ST7: variants seen among roughly 807,000 people sequenced by gnomAD.
ST7 encodes the protein suppression of tumorigenicity 7.
In ST7, 28 loss-of-function variants were observed where a neutral mutation model predicts 78.7. That is an observed-to-expected ratio of 0.36 (90% CI 0.26 to 0.49). The LOEUF is 0.49. Ranked by LOEUF, ST7 falls within the 20% of genes least tolerant of loss-of-function variation. The probability of loss-of-function intolerance (pLI) is 0.99; values close to 1 mark genes in which losing one functional copy is unlikely to be tolerated. For missense variants in ST7, 418 were observed against 696.0 expected, an observed-to-expected ratio of 0.60 and a Z score of 4.49; for synonymous variants, 247 against 249.6, an observed-to-expected ratio of 0.99 and a Z score of 0.10.
At chr7:116,970,882 A>AT (rs1009397400) in intron 1 of ST7, among the ~76,000 whole-genome samples, 49 of 151,414 alleles carry the variant, frequency 3.2e-4, no homozygotes, top group African/African-American at 7.0e-4. Context: ...CTCTCCCACT[A>AT]TTTTTTTTTA....
chr7:116,965,881 A>C lies in ST7; in HGVS notation c.151+12190A>C, dbSNP rs553904519. 10 of 195,774 alleles carry C rather than the reference A, an allele frequency of 5.1e-5. No individual in the cohort carries two copies. The East Asian group carries it at 1.2e-3, about 24-fold the overall frequency. 12.1% of individuals were successfully genotyped at this position (195,774 alleles called of 1,614,324 possible). On this transcript the variant is annotated intron_variant, in intron 1 of 15. Transcript: ENST00000323984. ...CAAAGATTTATTATTGCTCAGTCCA[A>C]AGAGAAAACTGAAATGATATTTATA... is the stretch of plus-strand genomic sequence containing the variant.
At chr7:117,031,897 T>TGGCAA (rs1796617261) in intron 1 of ST7, among the ~76,000 whole-genome samples, 3 of 123,972 alleles carry the variant, frequency 2.4e-5, no homozygotes, top group South Asian at 2.6e-4. Flanking sequence ...TTTTTTTTTT[T>TGGCAA]TGGCAATGGA....
chr7:117,196,109 A>G (rs1810281290), intron 12 of ST7, among the ~76,000 whole-genome samples: 1 of 152,204 alleles, frequency 6.6e-6, no homozygotes, highest in Non-Finnish European at 1.5e-5. Flanking sequence ...CTTCTTTTTA[A>G]AGACCGAAAA....
intron 1 of ST7, among the ~76,000 whole-genome samples, chr7:117,010,978 C>G (rs531126616): frequency 1.3e-5 from 2 of 152,196 alleles, no homozygotes; most frequent in African/African-American, 2.4e-5. Context: ...AAGCTTCACA[C>G]TCTGTGTCCA....
At chr7:116,975,867 G>A (rs917738811) in intron 1 of ST7, among the ~76,000 whole-genome samples, 8 of 152,144 alleles carry the variant, frequency 5.3e-5, no homozygotes, top group East Asian at 1.9e-4. Context: ...TGGAAGTGCC[G>A]TTTGCTGGGC....
chr7:117,157,445 G>T (rs1304450162), intron 9 of ST7, among the ~76,000 whole-genome samples: 1 of 152,160 alleles, frequency 6.6e-6, no homozygotes, highest in Non-Finnish European at 1.5e-5. Flanking sequence ...GCAAAGTGAA[G>T]AGCAGTGTGT....
At chr7:117,178,705 T>C (rs1009864835) in intron 10 of ST7, among the ~76,000 whole-genome samples, 4 of 152,214 alleles carry the variant, frequency 2.6e-5, no homozygotes, top group African/African-American at 9.6e-5. Context: ...TACTGGGAGA[T>C]GAACAAAAGG....
At chr7:117,210,486 G>A (rs148935469) in intron 13 of ST7, among the ~76,000 whole-genome samples, 3 of 152,262 alleles carry the variant, frequency 2.0e-5, no homozygotes, top group African/African-American at 2.4e-5. Flanking sequence ...AGATGAATGC[G>A]GGCTTGTTCT....
chr7:117,149,872 G>T (rs1447429815), intron 9 of ST7, among the ~76,000 whole-genome samples: 1 of 151,942 alleles, frequency 6.6e-6, no homozygotes, highest in Admixed American at 6.6e-5. Context: ...GTTTACTTGT[G>T]GTTGCCCGGG....
chr7:117,096,195 A>G (rs111879507), intron 1 of ST7, among the ~76,000 whole-genome samples: 28 of 152,156 alleles, frequency 1.8e-4, no homozygotes, highest in African/African-American at 6.7e-4. Flanking sequence ...TATGTTTTCA[A>G]AAATAATTGC....
intron 1 of ST7, among the ~76,000 whole-genome samples, chr7:117,057,963 T>A (rs1237466279): frequency 6.6e-6 from 1 of 152,232 alleles, no homozygotes; most frequent in East Asian, 1.9e-4. Context: ...TTGTTTCCAC[T>A]CCTCTGACTT....
At chr7:117,083,156 T>C (rs1799909776) in intron 1 of ST7, among the ~76,000 whole-genome samples, 1 of 152,164 alleles carries the variant, frequency 6.6e-6, no homozygotes, top group African/African-American at 2.4e-5. Flanking sequence ...ACCTCCCAGT[T>C]TCAAGCGATT....
intron 2 of ST7, among the ~76,000 whole-genome samples, chr7:117,116,088 A>G (rs1802860355): frequency 6.6e-6 from 1 of 152,174 alleles, no homozygotes; most frequent in South Asian, 2.1e-4. Context: ...TTTAAACTAA[A>G]TGGTAAGGTT....
At chr7:116,973,251 C>T (rs1793526135) in intron 1 of ST7, among the ~76,000 whole-genome samples, 1 of 151,950 alleles carries the variant, frequency 6.6e-6, no homozygotes, top group South Asian at 2.1e-4. Flanking sequence ...CTCTGTCTCT[C>T]TCTCTCTTTA....
At chr7:117,200,841 A>AAG (rs746115039) in intron 12 of ST7, among the ~76,000 whole-genome samples, 1,591 of 151,598 alleles carry the variant, frequency 0.01, 13 homozygotes, top group Middle Eastern at 0.021. Context: ...TTTTAAAAAA[A>AAG]AAAGAAAGCT....
intron 10 of ST7, among the ~76,000 whole-genome samples, chr7:117,179,490 C>G (rs1344956508): frequency 6.6e-6 from 1 of 152,190 alleles, no homozygotes; most frequent in Non-Finnish European, 1.5e-5. Flanking sequence ...AGGGGCACTG[C>G]ATGCAGCAAG....
chr7:117,107,780 A>C (rs1802098668), intron 2 of ST7, among the ~76,000 whole-genome samples: 1 of 151,280 alleles, frequency 6.6e-6, no homozygotes, highest in African/African-American at 2.4e-5. Context: ...TGCCTGGCTA[A>C]TTTTTTGTGT....
At chr7:117,159,606 G>T (rs1266980131) in intron 9 of ST7, among the ~76,000 whole-genome samples, 1 of 152,196 alleles carries the variant, frequency 6.6e-6, no homozygotes, top group East Asian at 1.9e-4. Flanking sequence ...TTCAAAGCTT[G>T]ATATGGGGAC....
intron 2 of ST7, among the ~76,000 whole-genome samples, chr7:117,116,663 T>C (rs1802913171): frequency 6.6e-6 from 1 of 152,100 alleles, no homozygotes; most frequent in Admixed American, 6.6e-5. Flanking sequence ...ACAGCAGAGG[T>C]CCATCTTTAT....
Sources: allele counts gnomAD v4.1 joint callset (sites outside exome capture counted in the v4.1 genomes callset), GRCh38; gene constraint gnomAD v4.1.1; transcripts MANE v1.5; gene names NCBI Gene and HGNC (gene_info 2026-07-23, HGNC 2026-07-21).